The following PPP1R9A variants were observed in gnomAD, a reference collection of about 807,000 sequenced individuals.
The protein encoded by PPP1R9A is neurabin-1.
Under a neutral mutation model 141.9 loss-of-function variants are expected in PPP1R9A, and 59 were observed. That is an observed-to-expected ratio of 0.42 (90% confidence interval 0.34 to 0.52). The LOEUF is 0.52. Ranked by LOEUF, PPP1R9A falls within the 20% of genes least tolerant of loss-of-function variation. The pLI, the probability that PPP1R9A is intolerant of heterozygous loss-of-function variation, is 0.10. For synonymous variants in PPP1R9A, 500 were observed against 569.7 expected, an observed-to-expected ratio of 0.88 and a Z score of 1.74; for missense variants, 1,444 against 1,611.9, an observed-to-expected ratio of 0.90 and a Z score of 1.78.
chr7:95,270,221 A>G, intron 14 of PPP1R9A, among the ~76,000 whole-genome samples: 1 of 152,210 alleles, frequency 6.6e-6, no homozygotes, highest in East Asian at 1.9e-4. Context: ...TGCCTGGTCT[A>G]GAAGTATATT....
chr7:95,096,992 A>G (rs1257087257), intron 2 of PPP1R9A, among the ~76,000 whole-genome samples: 1 of 152,080 alleles, frequency 6.6e-6, no homozygotes, highest in Non-Finnish European at 1.5e-5. Context: ...TCCCTTTATT[A>G]CGGCCCTTAT....
At chr7:95,196,070 C>CGTGTGT (rs61241471) in intron 5 of PPP1R9A, among the ~76,000 whole-genome samples, 33 of 149,088 alleles carry the variant, frequency 2.2e-4, no homozygotes, top group African/African-American at 4.2e-4. Flanking sequence ...TACACACATA[C>CGTGTGT]GTGTGTGTGT....
intron 2 of PPP1R9A, among the ~76,000 whole-genome samples, chr7:95,078,604 A>G (rs1242487037): frequency 6.6e-6 from 1 of 152,278 alleles, no homozygotes; most frequent in East Asian, 1.9e-4. Context: ...ACAACAGTGT[A>G]AAAGTGTTCT....
chr7:95,273,986 G>A lies in PPP1R9A; in HGVS notation c.3212G>A (p.Gly1071Glu), dbSNP rs1335088150. 1 of 1,503,868 alleles carries A rather than the reference G, an allele frequency of 6.6e-7. No homozygotes were observed. The highest frequency in any genetic ancestry group is 9.1e-7 in the Non-Finnish European group (1 of 1,094,808). The allele number at this position is 1,503,868 out of a possible 1,614,324, so 93.2% of individuals were successfully genotyped here. ...GKIKRKFVDL[G>E]APLRRNSSKG... Reference sequence around the variant, plus strand: ...ATTAAGCGGAAGTTTGTGGATCTGGGGTAAGCACTTCACGATGTAAAAAGA... The same window carrying A: ...ATTAAGCGGAAGTTTGTGGATCTGGAGTAAGCACTTCACGATGTAAAAAGA... Residue 1071 changes from glycine to glutamate, a missense_variant and splice_region_variant, in exon 15 of 20, where the codon GGG becomes GAG. By Grantham distance (98) the Gly-to-Glu change is moderately conservative (BLOSUM62 -2). Transcript: ENST00000433360.
intron 8 of PPP1R9A, among the ~76,000 whole-genome samples, chr7:95,239,803 TTTAAAAA>T (rs1174461087): frequency 6.6e-6 from 1 of 151,784 alleles, no homozygotes. Flanking sequence ...TAAAATTTAA[TTTAAAAA>T]TTAAAAATTA....
intron 4 of PPP1R9A, among the ~76,000 whole-genome samples, chr7:95,151,169 C>T (rs975240563): frequency 6.6e-6 from 1 of 152,196 alleles, no homozygotes; most frequent in Non-Finnish European, 1.5e-5. Flanking sequence ...CACACAAAAA[C>T]TTACACATAG....
chr7:95,212,234 C>A lies in PPP1R9A; in HGVS notation c.1956+8504C>A, dbSNP rs528265910. On this transcript the variant is annotated intron_variant, in intron 7 of 19. Transcript: ENST00000433360. ...ATACATCATTTCAGGGTACATGTGA[C>A]AATTTAATATATTCATTTAATTTGT... Among the ~76,000 whole-genome samples, 9 of 152,018 alleles carry A rather than the reference C, an allele frequency of 5.9e-5. No individual in the cohort carries two copies. The South Asian group carries it at 1.2e-3, about 21-fold the overall frequency.
intron 5 of PPP1R9A, among the ~76,000 whole-genome samples, chr7:95,164,195 A>G (rs974546263): frequency 4.6e-5 from 7 of 152,178 alleles, no homozygotes; most frequent in African/African-American, 1.4e-4. Flanking sequence ...CCTATCAGCA[A>G]TGAGTGAGAG....
At chr7:95,160,999 T>G (rs1426427772) in intron 4 of PPP1R9A, among the ~76,000 whole-genome samples, 2 of 152,184 alleles carry the variant, frequency 1.3e-5, no homozygotes, top group African/African-American at 4.8e-5. Context: ...ATGTATCATT[T>G]TGGTAGAAAG....
At chr7:94,983,757 A>G (rs1240701940) in intron 2 of PPP1R9A, among the ~76,000 whole-genome samples, 1 of 152,198 alleles carries the variant, frequency 6.6e-6, no homozygotes, top group Non-Finnish European at 1.5e-5. Context: ...TTCTAAATAT[A>G]CAATCATGTC....
intron 2 of PPP1R9A, among the ~76,000 whole-genome samples, chr7:95,099,022 T>A (rs1818409143): frequency 6.6e-6 from 1 of 152,232 alleles, no homozygotes; most frequent in Non-Finnish European, 1.5e-5. Flanking sequence ...TGCACACACA[T>A]ACACCTTGTA....
intron 7 of PPP1R9A, among the ~76,000 whole-genome samples, chr7:95,207,037 C>T (rs1029660388): frequency 1.3e-5 from 2 of 151,786 alleles, no homozygotes; most frequent in African/African-American, 4.8e-5. Flanking sequence ...TCACAAGTAG[C>T]CTTAATTTAT....
At chr7:95,099,393 G>A (rs6972772) in intron 2 of PPP1R9A, among the ~76,000 whole-genome samples, 51,849 of 151,972 alleles carry the variant, frequency 0.34, 9,997 homozygotes, top group Non-Finnish European at 0.44. Context: ...CAAAACATAC[G>A]TCTCCAGTTT....
chr7:95,139,238 G>A (rs578151948), intron 4 of PPP1R9A, among the ~76,000 whole-genome samples: 2 of 152,302 alleles, frequency 1.3e-5, no homozygotes, highest in Non-Finnish European at 2.9e-5. Flanking sequence ...TCCTCACAGG[G>A]CAGCAGGAGA....
rs554446837 is a variant in PPP1R9A at position 95,283,976 on chromosome 7, G to A, written c.3297-42G>A. 46 of 1,460,596 alleles carry A rather than the reference G, an allele frequency of 3.1e-5. No homozygotes were observed. In the Admixed American group the frequency reaches 3.2e-4, roughly 10 times the overall value. 90.5% of individuals were successfully genotyped at this position (1,460,596 alleles called of 1,614,324 possible). On this transcript the variant is annotated intron_variant, in intron 16 of 19. Transcript: ENST00000433360. ...CTTGGGTTCAGTAGGTCTTTTATCC[G>A]CCCTTTCTTTATCTAACACACCCAT...
chr7:95,204,727 C>A (rs1306320268), intron 7 of PPP1R9A, among the ~76,000 whole-genome samples: 1 of 143,576 alleles, frequency 7.0e-6, no homozygotes, highest in Non-Finnish European at 1.5e-5. Context: ...CACACTCACA[C>A]CACACATACC....
At chr7:95,262,739 G>T (rs1233455913) in intron 12 of PPP1R9A, among the ~76,000 whole-genome samples, 1 of 152,152 alleles carries the variant, frequency 6.6e-6, no homozygotes, top group Non-Finnish European at 1.5e-5. Flanking sequence ...TATACAGATA[G>T]TTTTGAGATT....
At chr7:95,000,110 C>T (rs948596809) in intron 2 of PPP1R9A, among the ~76,000 whole-genome samples, 1 of 152,022 alleles carries the variant, frequency 6.6e-6, no homozygotes, top group African/African-American at 2.4e-5. Flanking sequence ...GCCAAGATAC[C>T]TTATTTAAAT....
At chr7:95,152,737 CT>C (rs1485754046) in intron 4 of PPP1R9A, among the ~76,000 whole-genome samples, 3 of 151,840 alleles carry the variant, frequency 2.0e-5, no homozygotes, top group Admixed American at 2.0e-4. Context: ...TGTTAATTAA[CT>C]TGTATTTAAC....
Sources: allele counts gnomAD v4.1 joint callset (sites outside exome capture counted in the v4.1 genomes callset), GRCh38; gene constraint gnomAD v4.1.1; transcripts MANE v1.5; gene names NCBI Gene and HGNC (gene_info 2026-07-23, HGNC 2026-07-21).